TRPM3: variants seen among roughly 807,000 people sequenced by gnomAD.
The protein encoded by TRPM3 is transient receptor potential cation channel subfamily M member 3.
Under a neutral mutation model 181.2 loss-of-function variants are expected in TRPM3, and 77 were observed. The observed-to-expected ratio is 0.42, with a 90% CI of 0.35 to 0.51. TRPM3 has a LOEUF of 0.51. Among genes scored for constraint, TRPM3 ranks in the 20% least tolerant of loss-of-function variants. TRPM3 has a pLI of 0.01. For synonymous variants in TRPM3, 745 were observed against 796.4 expected (o/e 0.94, Z 1.09); for missense variants, 1,759 against 2,196.7 (o/e 0.80, Z 3.98).
At chr9:70,680,909 T>C (rs539738742) in intron 9 of TRPM3, among the ~76,000 whole-genome samples, 103 of 152,306 alleles carry the variant, frequency 6.8e-4, no homozygotes, top group Middle Eastern at 3.4e-3. Flanking sequence ...CTTTGTAGTA[T>C]TGGGACTAGA....
chr9:70,977,204 G>A (rs1029752223), intron 1 of TRPM3, among the ~76,000 whole-genome samples: 8 of 152,034 alleles, frequency 5.3e-5, no homozygotes, highest in Non-Finnish European at 7.4e-5. Flanking sequence ...GCACGATCTC[G>A]GCTCACTGCC....
intron 4 of TRPM3, among the ~76,000 whole-genome samples, chr9:70,843,865 A>G (rs1026871524): frequency 3.3e-5 from 5 of 152,162 alleles, no homozygotes; most frequent in African/African-American, 4.8e-5. Context: ...TTATAGGAAG[A>G]TGTATAAGAT....
chr9:71,016,389 C>T lies in TRPM3; in HGVS notation c.177+104789G>A, dbSNP rs571705007. On this transcript the variant is annotated intron_variant, in intron 1 of 25. Transcript: ENST00000677713. ...CATCTCCAGAACTTTTTTCATCTCC[C>T]TAAGTAAAATCATGTATCCAACAGT... Among the ~76,000 whole-genome samples the T allele has an allele frequency of 1.2e-3, 186 of 152,034 alleles. 1 individual carries two copies. The highest frequency in any genetic ancestry group is 1.5e-3 in the Non-Finnish European group (100 of 67,942).
chr9:71,259,228 T>C (rs1267719288), intron 1 of TRPM3, among the ~76,000 whole-genome samples: 2 of 152,204 alleles, frequency 1.3e-5, no homozygotes, highest in Non-Finnish European at 2.9e-5. Context: ...ATGAACTCAT[T>C]CTTTTTTATG....
At chr9:70,565,125 G>A (rs982232771) in intron 22 of TRPM3, among the ~76,000 whole-genome samples, 4 of 152,188 alleles carry the variant, frequency 2.6e-5, no homozygotes, top group African/African-American at 7.2e-5. Flanking sequence ...GGGACTATGT[G>A]TCCAAATGTA....
intron 1 of TRPM3, among the ~76,000 whole-genome samples, chr9:71,444,777 G>C (rs951382663): frequency 6.6e-6 from 1 of 152,018 alleles, no homozygotes; most frequent in South Asian, 2.1e-4. Flanking sequence ...ATCAAACCTT[G>C]GTTCAAAACC....
chr9:71,408,173 TA>T (rs1243915454), intron 1 of TRPM3, among the ~76,000 whole-genome samples: 1 of 152,200 alleles, frequency 6.6e-6, no homozygotes, highest in African/African-American at 2.4e-5. Context: ...TTGAAAATTC[TA>T]AAAACCAGAG....
rs545674591 is a variant in TRPM3 at position 70,999,562 on chromosome 9, A to C, written c.177+121616T>G. 5.3e-5 allele frequency among the ~76,000 whole-genome samples: 8 copies of C among 152,326 alleles called. No homozygotes were observed. In the East Asian group the frequency reaches 1.5e-3, roughly 29 times the overall value. ...AATGAAAGACTGGAAACTCCAGTGT[A>C]TTATTTCTCTGTAACGATGCTTCCG... On this transcript the variant is annotated intron_variant, in intron 1 of 25. Transcript: ENST00000677713.
At chr9:71,345,995 A>C (rs1419328715) in intron 1 of TRPM3, among the ~76,000 whole-genome samples, 1 of 152,214 alleles carries the variant, frequency 6.6e-6, no homozygotes, top group Non-Finnish European at 1.5e-5. Flanking sequence ...TTTTTCTTAA[A>C]ATGCTTGTTA....
intron 1 of TRPM3, among the ~76,000 whole-genome samples, chr9:71,114,938 A>C (rs916753070): frequency 4.6e-5 from 7 of 152,222 alleles, no homozygotes; most frequent in Non-Finnish European, 8.8e-5. Context: ...CATGAAAAAA[A>C]TACAGAGAAA....
intron 25 of TRPM3, among the ~76,000 whole-genome samples, chr9:70,546,951 A>T (rs929207806): frequency 6.6e-6 from 1 of 152,204 alleles, no homozygotes; most frequent in Non-Finnish European, 1.5e-5. Flanking sequence ...TACCACTGTG[A>T]TGCAAAAGTG....
chr9:70,539,891 G>C (rs1179330625), intron 25 of TRPM3, among the ~76,000 whole-genome samples: 1 of 152,214 alleles, frequency 6.6e-6, no homozygotes, highest in Non-Finnish European at 1.5e-5. Flanking sequence ...CTGGAAGGCA[G>C]TGGTGCAAAC....
chr9:70,906,128 G>A (rs2096461577), intron 1 of TRPM3, among the ~76,000 whole-genome samples: 2 of 151,788 alleles, frequency 1.3e-5, no homozygotes, highest in South Asian at 4.1e-4. Flanking sequence ...GTTCTTCCTT[G>A]ACAACTTAAA....
intron 1 of TRPM3, among the ~76,000 whole-genome samples, chr9:71,060,437 A>G (rs1321989674): frequency 3.9e-5 from 6 of 152,140 alleles, no homozygotes; most frequent in Non-Finnish European, 8.8e-5. Context: ...TAACATGCTA[A>G]GGAAAAATAT....
chr9:71,398,437 A>T (rs2093252835), intron 1 of TRPM3, among the ~76,000 whole-genome samples: 1 of 152,194 alleles, frequency 6.6e-6, no homozygotes, highest in African/African-American at 2.4e-5. Flanking sequence ...CTCATGTTGA[A>T]CTATAATTCC....
intron 22 of TRPM3, among the ~76,000 whole-genome samples, chr9:70,588,762 T>A (rs2057597997): frequency 6.6e-6 from 1 of 152,202 alleles, no homozygotes; most frequent in Non-Finnish European, 1.5e-5. Flanking sequence ...TCCAGAGCAG[T>A]TCTGAATGAC....
chr9:71,430,903 T>C (rs996628341), intron 1 of TRPM3, among the ~76,000 whole-genome samples: 10 of 152,204 alleles, frequency 6.6e-5, no homozygotes, highest in Non-Finnish European at 8.8e-5. Flanking sequence ...ATTCTGAACA[T>C]TTCTCTTTCT....
intron 1 of TRPM3, among the ~76,000 whole-genome samples, chr9:70,898,554 C>T (rs1332050922): frequency 2.0e-5 from 3 of 150,286 alleles, no homozygotes; most frequent in Non-Finnish European, 3.0e-5. Flanking sequence ...TCAAGACCAA[C>T]CTGGCCAACA....
intron 1 of TRPM3, among the ~76,000 whole-genome samples, chr9:71,390,109 G>A (rs894824716): frequency 1.2e-4 from 19 of 152,056 alleles, no homozygotes; most frequent in African/African-American, 4.1e-4. Context: ...TCAGTAGATA[G>A]TTAGGTATGC....
Sources: gnomAD v4.1 joint callset for allele counts (sites outside exome capture counted in the v4.1 genomes callset) on GRCh38, gnomAD v4.1.1 for gene constraint, MANE v1.5 for transcripts, NCBI Gene and HGNC (gene_info 2026-07-23, HGNC 2026-07-21) for gene names.